Variants in BPTF observed in about 807,000 individuals in gnomAD.
The protein encoded by BPTF is nucleosome-remodeling factor subunit BPTF.
Under a neutral mutation model 292.5 loss-of-function variants are expected in BPTF, and 18 were observed. That is an observed-to-expected ratio of 0.06 (90% CI 0.04 to 0.09). The LOEUF (loss-of-function observed/expected upper bound fraction) is 0.09, where lower values mean the gene tolerates loss of function less well. Among genes scored for constraint, BPTF ranks in the 10% least tolerant of loss-of-function variants. The pLI, the probability that BPTF is intolerant of heterozygous loss-of-function variation, is 1.00. For missense variants in BPTF, 2,726 were observed against 3,498.7 expected, an observed-to-expected ratio of 0.78 and a Z score of 5.57; for synonymous variants, 1,225 against 1,251.9, an observed-to-expected ratio of 0.98 and a Z score of 0.45.
At chr17:67,933,397 C>A (rs981764226) in intron 18 of BPTF, among the ~76,000 whole-genome samples, 4 of 151,768 alleles carry the variant, frequency 2.6e-5, no homozygotes, top group Admixed American at 6.6e-5. Context: ...TAGGGAGACC[C>A]CATCTCTACA....
At chr17:67,832,732 T>C (rs529356922) in intron 1 of BPTF, among the ~76,000 whole-genome samples, 6 of 151,272 alleles carry the variant, frequency 4.0e-5, no homozygotes, top group Admixed American at 2.6e-4. Flanking sequence ...ACCTCCCTCC[T>C]GCTCATCCCT....
intron 26 of BPTF, chr17:67,975,493 A>G (rs2069299632): frequency 3.3e-6 from 1 of 304,136 alleles, no homozygotes; most frequent in Non-Finnish European, 6.1e-6. Flanking sequence ...TGTTTCCTTG[A>G]TTTCAAACCA....
chr17:67,943,230 GTTTTGTGCA>G (rs2065528791), intron 19 of BPTF, among the ~76,000 whole-genome samples: 2 of 152,154 alleles, frequency 1.3e-5, no homozygotes, highest in South Asian at 2.1e-4. Context: ...TATACTTGGT[GTTTTGTGCA>G]TTTTGTGCAT....
chr17:67,910,397 A>T (rs1366599108), intron 10 of BPTF, among the ~76,000 whole-genome samples: 1 of 152,208 alleles, frequency 6.6e-6, no homozygotes, highest in African/African-American at 2.4e-5. Context: ...ACTGGATCAT[A>T]TGGTAACTCT....
intron 3 of BPTF, among the ~76,000 whole-genome samples, chr17:67,871,675 T>A (rs2059746310): frequency 6.6e-6 from 1 of 152,192 alleles, no homozygotes; most frequent in African/African-American, 2.4e-5. Context: ...TGTTTAGTTT[T>A]GAAATGTTCA....
At chr17:67,893,867 G>T (rs2061278740) in intron 6 of BPTF, 142 bp downstream of exon 6, 1 of 1,118,516 alleles carries the variant, frequency 8.9e-7, no homozygotes, top group Non-Finnish European at 1.3e-6. Context: ...TTAGAGGCAT[G>T]AGTGTACTTC....
intron 4 of BPTF, among the ~76,000 whole-genome samples, chr17:67,888,286 A>T (rs1412952574): frequency 6.6e-6 from 1 of 152,242 alleles, no homozygotes; most frequent in East Asian, 1.9e-4. Context: ...CTCTGTGTGT[A>T]TATTAATTTC....
intron 23 of BPTF, 109 bp downstream of exon 23, chr17:67,948,415 CT>C: frequency 9.6e-7 from 1 of 1,043,858 alleles, no homozygotes; most frequent in Non-Finnish European, 1.4e-6. Flanking sequence ...TTTTCTAGAA[CT>C]TACATTTGTG....
chr17:67,924,466 A>C, intron 14 of BPTF, 81 bp from the exon 15 acceptor site: 3 of 1,391,794 alleles, frequency 2.2e-6, no homozygotes, highest in Non-Finnish European at 3.0e-6. Context: ...ATGATGTGAA[A>C]ATCAACCAGA....
chr17:67,865,478 T>C (rs1022268417), intron 2 of BPTF, among the ~76,000 whole-genome samples: 2 of 152,222 alleles, frequency 1.3e-5, no homozygotes, highest in African/African-American at 4.8e-5. Flanking sequence ...GTGAGGTAAA[T>C]AGAATGGCTT....
chr17:67,863,527 G>T (rs908379191), intron 2 of BPTF, among the ~76,000 whole-genome samples: 37 of 152,096 alleles, frequency 2.4e-4, no homozygotes, highest in African/African-American at 6.3e-4. Context: ...CTTGTGATCT[G>T]CCCGCCTTGG....
intron 4 of BPTF, among the ~76,000 whole-genome samples, chr17:67,891,041 G>C (rs767767053): frequency 7.9e-5 from 12 of 152,116 alleles, no homozygotes; most frequent in Non-Finnish European, 8.8e-5. Flanking sequence ...AAATTAGTCA[G>C]GTGTGCTGGT....
chr17:67,947,599 T>TA (rs2065906845), intron 21 of BPTF, 127 bp from the exon 22 acceptor site: 2 of 712,696 alleles, frequency 2.8e-6, no homozygotes, highest in African/African-American at 1.8e-5. Context: ...TTATTTATGT[T>TA]ACGATATAAA....
chr17:67,923,410 T>TAA (rs1352616625), intron 14 of BPTF, among the ~76,000 whole-genome samples: 1 of 151,304 alleles, frequency 6.6e-6, no homozygotes, highest in African/African-American at 2.4e-5. Context: ...AGCTTGACTT[T>TAA]ACTCCACCTT....
rs891998749 is a variant in BPTF, at chr17:67,874,808, A to G, written c.1661-9A>G. On this transcript the variant is annotated splice_polypyrimidine_tract_variant and intron_variant, in intron 3 of 27. Transcript: ENST00000306378. ...GGAATAATTTTTTTGTTTGTTTTACACATTATAGAAGAAATTTTGGAATCC... is the reference window on the plus strand; with the variant it reads ...GGAATAATTTTTTTGTTTGTTTTACGCATTATAGAAGAAATTTTGGAATCC... The G allele has an allele frequency of 1.7e-5, 27 of 1,588,582 alleles. No homozygotes were observed. Among genetic ancestry groups the G allele is most frequent in the Non-Finnish European group, 2.2e-5 (26 of 1,167,104 alleles).
At chr17:67,969,597 G>A (rs931901417) in intron 26 of BPTF, among the ~76,000 whole-genome samples, 13 of 151,556 alleles carry the variant, frequency 8.6e-5, no homozygotes, top group African/African-American at 3.2e-4. Context: ...GGGTTTTTAT[G>A]GTCCATTAGT....
chr17:67,978,182 G>T (rs1329051550), intron 27 of BPTF, among the ~76,000 whole-genome samples: 1 of 151,340 alleles, frequency 6.6e-6, no homozygotes, highest in Non-Finnish European at 1.5e-5. Context: ...TAGGGACAGG[G>T]TCTTGCTATG....
rs112826391 is a variant in BPTF at position 67,934,467 on chromosome 17, G to A, written c.6259+2448G>A. ...TTGGGAGGTGGGGGTTGCAGTGAGC[G>A]GAGATTGCACCACTGCACTGCAGCC... is the stretch of plus-strand genomic sequence containing the variant. On this transcript the variant is annotated intron_variant, in intron 18 of 27. Transcript: ENST00000306378. Among the ~76,000 whole-genome samples, 1,007 of 151,558 alleles carry A rather than the reference G, an allele frequency of 6.6e-3. 11 individuals are homozygous for A. The highest frequency in any genetic ancestry group is 0.022 in the African/African-American group (925 of 41,306).
At chr17:67,970,088 C>A (rs2068595609) in intron 26 of BPTF, among the ~76,000 whole-genome samples, 1 of 151,936 alleles carries the variant, frequency 6.6e-6, no homozygotes, top group South Asian at 2.1e-4. Context: ...ACAAAAGTAG[C>A]CAGGCGTGGT....
Sources: allele counts gnomAD v4.1 joint callset (sites outside exome capture counted in the v4.1 genomes callset), GRCh38; gene constraint gnomAD v4.1.1; transcripts MANE v1.5; gene names NCBI Gene and HGNC (gene_info 2026-07-23, HGNC 2026-07-21).